PTBP2: variants seen among roughly 807,000 people sequenced by gnomAD.
PTBP2 encodes the protein polypyrimidine tract-binding protein 2.
PTBP2 carries 13 observed loss-of-function variants against 61.4 expected under a neutral mutation model. The observed-to-expected ratio is 0.21, with a 90% confidence interval of 0.14 to 0.34. The LOEUF (loss-of-function observed/expected upper bound fraction) is 0.34. Ranked by LOEUF, PTBP2 falls within the 10% of genes least tolerant of loss-of-function variation. The pLI, the probability that PTBP2 is intolerant of heterozygous loss-of-function variation, is 1.00. For synonymous variants in PTBP2, 215 were observed against 218.5 expected, an observed-to-expected ratio of 0.98 and a Z score of 0.14; for missense variants, 405 against 642.6, an observed-to-expected ratio of 0.63 and a Z score of 4.00.
At chr1:96,733,036 T>G (rs79623283) in intron 2 of PTBP2, among the ~76,000 whole-genome samples, 1 of 151,114 alleles carries the variant, frequency 6.6e-6, no homozygotes. Flanking sequence ...TTTTTTTTTT[T>G]GCTATAGCAA....
At chr1:96,805,124 C>G (rs1469228624) in intron 9 of PTBP2, among the ~76,000 whole-genome samples, 185 bp downstream of exon 9, 1 of 151,918 alleles carries the variant, frequency 6.6e-6, no homozygotes, top group Non-Finnish European at 1.5e-5. Flanking sequence ...TTTCCTTAAA[C>G]AGTCATGTCT....
chr1:96,738,992 A>G (rs1557694122), intron 2 of PTBP2, among the ~76,000 whole-genome samples: 1 of 152,218 alleles, frequency 6.6e-6, no homozygotes, highest in East Asian at 1.9e-4. Context: ...CATAAACATT[A>G]CAAATGTTTT....
rs148391377 is a variant in PTBP2, at chr1:96,760,267, A to G, written c.115+8767A>G. Among the ~76,000 whole-genome samples, 208 of 152,254 alleles carry G rather than the reference A, an allele frequency of 1.4e-3. 1 individual carries two copies. Among genetic ancestry groups the G allele is most frequent in the Non-Finnish European group, 2.7e-3 (182 of 68,016 alleles). ...CATTATAAGGATGGGTAACAAGCAC[A>G]TGAAAAGATAATGTTAGTCATCAGG... On this transcript the variant is annotated intron_variant, in intron 3 of 13. Coordinates refer to ENST00000674951, the MANE Select transcript of PTBP2 (RefSeq NM_021190.4).
chr1:96,733,848 G>A (rs1049238158), intron 2 of PTBP2, among the ~76,000 whole-genome samples: 8 of 152,146 alleles, frequency 5.3e-5, no homozygotes, highest in African/African-American at 9.7e-5. Flanking sequence ...CCTACTCAGC[G>A]TGAAGACAGT....
intron 3 of PTBP2, among the ~76,000 whole-genome samples, chr1:96,767,366 C>G (rs768997538): frequency 2.2e-4 from 34 of 152,104 alleles, no homozygotes; most frequent in Non-Finnish European, 3.4e-4. Context: ...TAGGTAGTAT[C>G]TTTATTGGTC....
chr1:96,782,690 T>C (rs273871), intron 7 of PTBP2, among the ~76,000 whole-genome samples: 41,110 of 151,906 alleles, frequency 0.27, 6,828 homozygotes, highest in East Asian at 0.46. Flanking sequence ...AAAGTAGATA[T>C]TTAAAGAATT....
chr1:96,722,912 A>G (rs1489327617), intron 1 of PTBP2, among the ~76,000 whole-genome samples: 1 of 152,224 alleles, frequency 6.6e-6, no homozygotes, highest in Non-Finnish European at 1.5e-5. Flanking sequence ...TAAGGTCAAA[A>G]ATACAGCAGT....
At chr1:96,783,088 G>T (rs1243769854) in intron 7 of PTBP2, among the ~76,000 whole-genome samples, 1 of 151,950 alleles carries the variant, frequency 6.6e-6, no homozygotes, top group Non-Finnish European at 1.5e-5. Context: ...TGAACCACAG[G>T]ACTGGTTTGT....
At chr1:96,724,501 A>T (rs957637329) in intron 2 of PTBP2, among the ~76,000 whole-genome samples, 12 of 151,762 alleles carry the variant, frequency 7.9e-5, no homozygotes, top group Admixed American at 2.6e-4. Context: ...CCTGCCTCTT[A>T]TGATCTGCCT....
chr1:96,732,754 G>A (rs1651602127), intron 2 of PTBP2, among the ~76,000 whole-genome samples: 1 of 152,252 alleles, frequency 6.6e-6, no homozygotes, highest in African/African-American at 2.4e-5. Flanking sequence ...AAAGAGTGGA[G>A]AGCAACAGGC....
chr1:96,792,461 T>C (rs1236697423), intron 8 of PTBP2, among the ~76,000 whole-genome samples: 1 of 152,208 alleles, frequency 6.6e-6, no homozygotes, highest in African/African-American at 2.4e-5. Context: ...AAGTCCGTAC[T>C]CCTGACTAAT....
chr1:96,800,452 C>G (rs1369802374), intron 8 of PTBP2, among the ~76,000 whole-genome samples: 1 of 147,230 alleles, frequency 6.8e-6, no homozygotes, highest in African/African-American at 2.5e-5. Context: ...GGGCTTTAGA[C>G]CAGGTGTTGT....
exon 14 of PTBP2, chr1:96,821,624 T>TATG (rs1417811342): frequency 9.6e-6 from 1 of 103,986 alleles, no homozygotes; most frequent in Non-Finnish European, 2.7e-5. Flanking sequence ...CATTTGCTTT[T>TATG]ATTATTATTA....
At chr1:96,804,695 C>T (rs1661336637) in intron 8 of PTBP2, 105 bp from the exon 9 acceptor site, 5 of 1,122,740 alleles carry the variant, frequency 4.5e-6, no homozygotes, top group Non-Finnish European at 6.2e-6. Flanking sequence ...TTGGAATGGT[C>T]AGCCGTAAGC....
intron 2 of PTBP2, among the ~76,000 whole-genome samples, chr1:96,731,474 A>G (rs1651401719): frequency 6.6e-6 from 1 of 152,138 alleles, no homozygotes; most frequent in Non-Finnish European, 1.5e-5. Context: ...TACTGGACCT[A>G]GTTAATTCAA....
intron 3 of PTBP2, among the ~76,000 whole-genome samples, chr1:96,755,301 T>C (rs1655028970): frequency 6.6e-6 from 1 of 152,174 alleles, no homozygotes; most frequent in South Asian, 2.1e-4. Flanking sequence ...TGAGATAATA[T>C]TACAAACCTA....
Position 96,777,963 on chromosome 1 carries a change from AG to A in PTBP2, c.708+18del. 7.0e-7 allele frequency: 1 copy of A among 1,421,378 alleles called. No homozygotes were observed. Among genetic ancestry groups the A allele is most frequent in the Non-Finnish European group, 9.6e-7 (1 of 1,039,606 alleles). The allele number at this position is 1,421,378 out of a possible 1,614,324, so 88.0% of individuals were successfully genotyped here. A position where few individuals can be genotyped will look rare whatever the true frequency, so the allele number is the denominator to read the frequency against. On this transcript the variant is annotated intron_variant, in intron 7 of 13. Coordinates refer to ENST00000674951, the MANE Select transcript of PTBP2 (RefSeq NM_021190.4). ...GCAAAACTAGTAAGTCTTTCTTTTG[AG>A]ATGGTGATTTTTTTTTATTGAAATG...
chr1:96,775,569 A>T (rs1025442407), intron 5 of PTBP2, among the ~76,000 whole-genome samples: 5 of 152,174 alleles, frequency 3.3e-5, no homozygotes, highest in Non-Finnish European at 5.9e-5. Flanking sequence ...AACTTGGAGG[A>T]AGCGTGAGTA....
At position 96,784,684 on chromosome 1, in the gene PTBP2, A is replaced by G. The variant is rs529029193; in HGVS notation, c.709-375A>G. On this transcript the variant is annotated intron_variant, in intron 7 of 13. Transcript: ENST00000674951. ...TAAGTACTGCCATCCAGCAATAAAT[A>G]TATGTATAATAAAATTAACCTTATT... Among the ~76,000 whole-genome samples, 29 of 152,294 alleles carry G rather than the reference A, an allele frequency of 1.9e-4. No homozygotes were observed. In the East Asian group the frequency reaches 4.6e-3, roughly 24 times the overall value.
Sources: gnomAD v4.1 joint callset for allele counts (sites outside exome capture counted in the v4.1 genomes callset) on GRCh38, gnomAD v4.1.1 for gene constraint, MANE v1.5 for transcripts, NCBI Gene and HGNC (gene_info 2026-07-23, HGNC 2026-07-21) for gene names.